The following SLIT3 variants were observed in gnomAD, a reference collection of about 807,000 sequenced individuals.
SLIT3 encodes the protein slit homolog 3 protein.
Under a neutral mutation model 184.0 loss-of-function variants are expected in SLIT3, and 68 were observed. The ratio of observed to expected loss-of-function variants is 0.37; its 90% confidence interval spans 0.30 to 0.45. The LOEUF (loss-of-function observed/expected upper bound fraction) is 0.45, where lower values mean the gene tolerates loss of function less well. Among genes scored for constraint, SLIT3 ranks in the 20% least tolerant of loss-of-function variants. SLIT3 has a pLI of 1.00. For synonymous variants in SLIT3, 831 were observed against 828.6 expected (o/e 1.00, Z -0.05); for missense variants, 1,707 against 2,026.0 (o/e 0.84, Z 3.02).
intron 2 of SLIT3, among the ~76,000 whole-genome samples, chr5:169,250,883 C>G (rs1167042143): frequency 6.6e-6 from 1 of 152,222 alleles, no homozygotes; most frequent in African/African-American, 2.4e-5. Flanking sequence ...ATATTCCTTG[C>G]TCCTCTAGTC....
At chr5:169,058,566 C>T (rs1396835008) in intron 4 of SLIT3, among the ~76,000 whole-genome samples, 1 of 152,142 alleles carries the variant, frequency 6.6e-6, no homozygotes, top group Non-Finnish European at 1.5e-5. Context: ...TGAATGAAAT[C>T]CTGCACTTTA....
At chr5:169,215,172 A>G (rs1862155) in intron 3 of SLIT3, among the ~76,000 whole-genome samples, 46,805 of 152,068 alleles carry the variant, frequency 0.31, 8,293 homozygotes, top group East Asian at 0.73. Context: ...GCTTTGTGTC[A>G]TCTGTCCTCT....
At chr5:169,045,467 T>C (rs1413592392) in intron 4 of SLIT3, among the ~76,000 whole-genome samples, 2 of 151,900 alleles carry the variant, frequency 1.3e-5, no homozygotes, top group African/African-American at 4.8e-5. Context: ...ATGTAGTTTA[T>C]TTCCTGGAAA....
intron 4 of SLIT3, chr5:169,030,549 A>G (rs1330043679): frequency 6.6e-6 from 1 of 152,222 alleles, no homozygotes; most frequent in East Asian, 1.9e-4. Flanking sequence ...CATAATGCCA[A>G]TGAATAATGC....
At chr5:168,883,218 G>A in intron 5 of SLIT3, 47 bp downstream of exon 5, 1 of 1,505,072 alleles carries the variant, frequency 6.6e-7, no homozygotes, top group Non-Finnish European at 9.3e-7. Flanking sequence ...TGGTCAGAGA[G>A]CCCAAGTTAG....
At chr5:168,763,143 CG>C (rs1190612314) in intron 14 of SLIT3, among the ~76,000 whole-genome samples, 6 of 152,014 alleles carry the variant, frequency 3.9e-5, no homozygotes, top group African/African-American at 1.2e-4. Context: ...GATGCTTTGA[CG>C]GGGGCTATGC....
chr5:168,908,615 A>T (rs1359301475), intron 4 of SLIT3, among the ~76,000 whole-genome samples: 1 of 152,144 alleles, frequency 6.6e-6, no homozygotes, highest in Non-Finnish European at 1.5e-5. Context: ...TTTTAAGACA[A>T]GGGACTTTGG....
At chr5:169,019,552 T>C (rs1162928710) in intron 4 of SLIT3, among the ~76,000 whole-genome samples, 2 of 152,200 alleles carry the variant, frequency 1.3e-5, no homozygotes, top group East Asian at 1.9e-4. Context: ...ACATATTCCA[T>C]AGGCTCATAA....
chr5:169,153,279 A>G (rs17070897), intron 4 of SLIT3, among the ~76,000 whole-genome samples: 11,574 of 146,630 alleles, frequency 0.079, 1,528 homozygotes, highest in African/African-American at 0.27. Context: ...TAAATTCCCA[A>G]TTATTTGGCA....
intron 14 of SLIT3, among the ~76,000 whole-genome samples, chr5:168,766,538 C>T (rs1189726396): frequency 6.6e-6 from 1 of 152,240 alleles, no homozygotes; most frequent in African/African-American, 2.4e-5. Flanking sequence ...AAGCTATCCC[C>T]TTTGGAGTCT....
At chr5:168,760,572 T>A (rs1035501190) in intron 16 of SLIT3, among the ~76,000 whole-genome samples, 3 of 151,768 alleles carry the variant, frequency 2.0e-5, no homozygotes, top group Admixed American at 1.3e-4. Context: ...AGCCCTGGGG[T>A]AGGTGTTGGA....
chr5:169,133,546 G>T (rs969627675), intron 4 of SLIT3, among the ~76,000 whole-genome samples: 1 of 152,170 alleles, frequency 6.6e-6, no homozygotes, highest in African/African-American at 2.4e-5. Context: ...AGGTTGTCAG[G>T]GATCACTTTC....
intron 3 of SLIT3, among the ~76,000 whole-genome samples, chr5:169,233,675 ATTATT>A (rs775784565): frequency 3.9e-5 from 6 of 152,214 alleles, no homozygotes; most frequent in Non-Finnish European, 8.8e-5. Context: ...TTATGTGTAG[ATTATT>A]TTATATTTTT....
intron 32 of SLIT3, among the ~76,000 whole-genome samples, chr5:168,680,551 C>G (rs1452879251): frequency 6.6e-6 from 1 of 152,252 alleles, no homozygotes; most frequent in Non-Finnish European, 1.5e-5. Context: ...ATAGCTTTGG[C>G]TGGGCTCCCT....
chr5:168,969,041 A>G (rs1561580419), intron 4 of SLIT3, among the ~76,000 whole-genome samples: 1 of 152,166 alleles, frequency 6.6e-6, no homozygotes, highest in Non-Finnish European at 1.5e-5. Flanking sequence ...AAAAAATTCC[A>G]GATTATTTTT....
intron 4 of SLIT3, chr5:168,992,977 G>GCCGT (rs1755383703): frequency 6.6e-6 from 1 of 152,218 alleles, no homozygotes; most frequent in Admixed American, 6.5e-5. Context: ...AAGCTTCAAA[G>GCCGT]CCGTCTCTTC....
intron 4 of SLIT3, among the ~76,000 whole-genome samples, chr5:168,943,409 T>C (rs992202941): frequency 1.3e-5 from 2 of 152,226 alleles, no homozygotes; most frequent in Non-Finnish European, 2.9e-5. Context: ...TGAATCCAAA[T>C]AGTCAACTGC....
intron 3 of SLIT3, among the ~76,000 whole-genome samples, chr5:169,206,484 T>C (rs1398572943): frequency 6.6e-6 from 1 of 152,184 alleles, no homozygotes. Context: ...AGCTAGTAGA[T>C]ATCAGGGAGG....
chr5:168,692,641 C>T lies in SLIT3; in HGVS notation c.3142G>A (p.Glu1048Lys). 1 of 1,614,086 alleles carries T rather than the reference C, an allele frequency of 6.2e-7. No homozygotes were observed. Among genetic ancestry groups the T allele is most frequent in the Non-Finnish European group, 8.5e-7 (1 of 1,179,966 alleles). Residue 1048 changes from glutamate (E) to lysine (K), a missense_variant, in exon 29 of 36, where the codon GAG becomes AAG. Glu to Lys is a moderately conservative substitution (Grantham distance 56). Coordinates refer to ENST00000519560, the MANE Select transcript of SLIT3 (RefSeq NM_003062.4). ...CVPELNLCQH[E>K]AKCIPLDKGF... The stretch of plus-strand genomic sequence containing the variant: ...TTGTCCAGGGGGATGCACTTGGCCT[C>T]ATGCTGACAGAGGTTCAGCTCAGGC...
Sources: gnomAD v4.1 joint callset for allele counts (sites outside exome capture counted in the v4.1 genomes callset) on GRCh38, gnomAD v4.1.1 for gene constraint, MANE v1.5 for transcripts, NCBI Gene and HGNC (gene_info 2026-07-23, HGNC 2026-07-21) for gene names.